The following BCL11B variants were observed in gnomAD, a reference collection of about 807,000 sequenced individuals.
BCL11B encodes the protein B-cell lymphoma/leukemia 11B.
BCL11B carries 8 observed loss-of-function variants against 49.9 expected under a neutral mutation model. The ratio of observed to expected loss-of-function variants is 0.16; its 90% CI spans 0.09 to 0.29. The LOEUF is 0.29. Among genes scored for constraint, BCL11B ranks in the 10% least tolerant of loss-of-function variants. The pLI is 1.00. For synonymous variants in BCL11B, 739 were observed against 637.4 expected (o/e 1.16, Z -2.40); for missense variants, 1,006 against 1,351.0 (o/e 0.74, Z 4.00).
At chr14:99,240,997 G>A (rs965018430) in intron 2 of BCL11B, among the ~76,000 whole-genome samples, 3 of 151,570 alleles carry the variant, frequency 2.0e-5, no homozygotes, top group Non-Finnish European at 2.9e-5. Flanking sequence ...ATCATAGCAC[G>A]CTGACTTTGA....
chr14:99,216,685 G>A (rs183136655), intron 3 of BCL11B, among the ~76,000 whole-genome samples: 1 of 152,168 alleles, frequency 6.6e-6, no homozygotes, highest in African/African-American at 2.4e-5. Flanking sequence ...AGAAAGTTCA[G>A]GGAAGAAAAA....
intron 2 of BCL11B, among the ~76,000 whole-genome samples, chr14:99,253,400 T>C (rs2139943770): frequency 6.6e-6 from 1 of 152,312 alleles, no homozygotes; most frequent in South Asian, 2.1e-4. Context: ...CAGGAGCCCA[T>C]TGCCAAGAAG....
intron 3 of BCL11B, among the ~76,000 whole-genome samples, chr14:99,190,703 C>T (rs1167929919): frequency 3.9e-5 from 6 of 152,204 alleles, no homozygotes; most frequent in African/African-American, 1.4e-4. Flanking sequence ...TTCTCAAAAG[C>T]ATCCATTCAC....
rs1888280903 is a variant in BCL11B at position 99,229,949 on chromosome 14, GC to G, written c.640+1395del. Among the ~76,000 whole-genome samples the G allele has an allele frequency of 3.3e-5, 5 of 152,316 alleles. No homozygotes were observed. The South Asian group carries it at 1.0e-3, about 32-fold the overall frequency. On this transcript the variant is annotated intron_variant, in intron 3 of 3. Transcript: ENST00000357195. ...GCCTGAGCACCTGGGGACCAGCACAGCCCAGAAAAGGGAGCCGGCGTCTTTG... is the reference window on the plus strand; with the variant it reads ...GCCTGAGCACCTGGGGACCAGCACAGCCAGAAAAGGGAGCCGGCGTCTTTG...
chr14:99,231,736 C>T lies in BCL11B; in HGVS notation c.428-179G>A, dbSNP rs1173573120. Among the ~76,000 whole-genome samples the T allele has an allele frequency of 1.5e-5, 2 of 133,744 alleles. No homozygotes were observed. Among genetic ancestry groups the T allele is most frequent in the African/African-American group, 2.8e-5 (1 of 36,044 alleles). 87.7% of individuals were successfully genotyped at this position (133,744 alleles called of 152,430 possible). On this transcript the variant is annotated intron_variant, in intron 2 of 3. Transcript: ENST00000357195. The surrounding 1 kb of genome is among the most constrained non-coding windows in gnomAD (Gnocchi z 8.1). ...CGGGACACAGGCGAGGGAATGGGCT[C>T]GGGGAGGTGGGCAGGGGGCACTGGG...
intron 3 of BCL11B, among the ~76,000 whole-genome samples, chr14:99,207,464 C>A (rs1049338967): frequency 6.6e-6 from 1 of 152,140 alleles, no homozygotes; most frequent in Admixed American, 6.5e-5. Flanking sequence ...TGGGCACTCA[C>A]CTCAGTCACT....
chr14:99,243,001 G>A (rs1297416999), intron 2 of BCL11B, among the ~76,000 whole-genome samples: 1 of 152,204 alleles, frequency 6.6e-6, no homozygotes, highest in Non-Finnish European at 1.5e-5. Flanking sequence ...GCAAGCCTGT[G>A]CATTTAAAGA....
intron 3 of BCL11B, among the ~76,000 whole-genome samples, chr14:99,216,067 T>C (rs971414664): frequency 2.0e-5 from 3 of 152,180 alleles, no homozygotes; most frequent in Admixed American, 6.5e-5. Context: ...GATAAAAAGA[T>C]AGCAGTAATG....
chr14:99,191,937 T>C (rs763288863), intron 3 of BCL11B, among the ~76,000 whole-genome samples: 6 of 152,290 alleles, frequency 3.9e-5, no homozygotes, highest in East Asian at 1.9e-4. Flanking sequence ...TCAACACTTA[T>C]GTGGGGTGAC....
Position 99,248,464 on chromosome 14 carries a change from G to A in BCL11B, c.427+9007C>T, listed in dbSNP as rs1257072177. On this transcript the variant is annotated intron_variant, in intron 2 of 3. Coordinates refer to ENST00000357195, the MANE Select transcript of BCL11B (RefSeq NM_138576.4). The surrounding 1 kb of genome is among the most constrained non-coding windows in gnomAD (Gnocchi z 4.7). ...CCAGGGTGGGTCCAGATCTTGCAGGGCCCGAGGTTTATACAATTCAGGGTA... is the reference window on the plus strand; with the variant it reads ...CCAGGGTGGGTCCAGATCTTGCAGGACCCGAGGTTTATACAATTCAGGGTA... Among the ~76,000 whole-genome samples the A allele has an allele frequency of 6.6e-6, 1 of 151,972 alleles. No individual in the cohort carries two copies. Among genetic ancestry groups the A allele is most frequent in the East Asian group, 1.9e-4 (1 of 5,150 alleles).
Position 99,229,167 on chromosome 14 carries a change from G to A in BCL11B, c.640+2178C>T, listed in dbSNP as rs190052352. ...GGATGGATGGATGGACGGACGGATA[G>A]ACGTGAGCTGTGAGAACTCAACATC... On this transcript the variant is annotated intron_variant, in intron 3 of 3. Coordinates refer to ENST00000357195, the MANE Select transcript of BCL11B (RefSeq NM_138576.4). Among the ~76,000 whole-genome samples, 16 of 152,190 alleles carry A rather than the reference G, an allele frequency of 1.1e-4. No homozygotes were observed. The East Asian group carries it at 3.1e-3, about 29-fold the overall frequency.
At chr14:99,269,343 C>CA (rs1213217221) in intron 1 of BCL11B, among the ~76,000 whole-genome samples, 1 of 152,032 alleles carries the variant, frequency 6.6e-6, no homozygotes, top group Non-Finnish European at 1.5e-5. Context: ...TGTCAACTGG[C>CA]AAAAAAGACC....
At chr14:99,204,065 C>G (rs1887463801) in intron 3 of BCL11B, among the ~76,000 whole-genome samples, 1 of 152,182 alleles carries the variant, frequency 6.6e-6, no homozygotes, top group Non-Finnish European at 1.5e-5. Context: ...AGGCTCTACC[C>G]AGTGCCTGAA....
At chr14:99,240,674 TCTTA>T (rs1236010508) in intron 2 of BCL11B, among the ~76,000 whole-genome samples, 8 of 152,334 alleles carry the variant, frequency 5.3e-5, no homozygotes, top group Admixed American at 2.0e-4. Context: ...ACAGCCACCT[TCTTA>T]CTTATTTTTT....
chr14:99,263,967 A>G (rs1889409833), intron 1 of BCL11B, among the ~76,000 whole-genome samples: 1 of 152,250 alleles, frequency 6.6e-6, no homozygotes, highest in South Asian at 2.1e-4. Context: ...AAGAAAAGGA[A>G]AAGATTTACC....
rs71110575 is a variant in BCL11B at position 99,188,537 on chromosome 14, CCTGGGGCTGGGG to C, written c.641-12354_641-12343del. Among the ~76,000 whole-genome samples, 407 of 136,176 alleles carry C rather than the reference CCTGGGGCTGGGG, an allele frequency of 3.0e-3. 2 individuals carry two copies. Among genetic ancestry groups the C allele is most frequent in the East Asian group, 0.024 (111 of 4,622 alleles). 89.3% of individuals were successfully genotyped at this position (136,176 alleles called of 152,430 possible). A position where few individuals can be genotyped will look rare whatever the true frequency, so the allele number is the denominator to read the frequency against. On this transcript the variant is annotated intron_variant, in intron 3 of 3. Transcript: ENST00000357195. ...ATACATCTCTCCAACCAATGGCTGG[CCTGGGGCTGGGG>C]CTGGGGCTGGGGCTGGGGCTGGGGC...
rs945022679 is a variant in BCL11B, at chr14:99,228,041, G to A, written c.640+3304C>T. Among the ~76,000 whole-genome samples, 3 of 152,160 alleles carry A rather than the reference G, an allele frequency of 2.0e-5. No individual in the cohort carries two copies. The highest frequency in any genetic ancestry group is 1.9e-4 in the East Asian group (1 of 5,190). ...CATACCTGTGTGGTTTTCTCCCCCCGTAAAATCACATCCTTCTATAAATAA... is the reference window on the plus strand; with the variant it reads ...CATACCTGTGTGGTTTTCTCCCCCCATAAAATCACATCCTTCTATAAATAA... On this transcript the variant is annotated intron_variant, in intron 3 of 3. Coordinates refer to ENST00000357195, the MANE Select transcript of BCL11B (RefSeq NM_138576.4). The surrounding 1 kb of genome is among the most constrained non-coding windows in gnomAD (Gnocchi z 4.8).
chr14:99,212,023 G>C (rs1252040110), intron 3 of BCL11B, among the ~76,000 whole-genome samples: 1 of 151,954 alleles, frequency 6.6e-6, no homozygotes, highest in African/African-American at 2.4e-5. Context: ...CCACACTTTG[G>C]ATCAGATTCC....
rs1173200987 is a variant in BCL11B, at chr14:99,175,034, T to C, written c.1802A>G (p.Asn601Ser). 6.3e-7 allele frequency: 1 copy of C among 1,596,544 alleles called. No homozygotes were observed. Among genetic ancestry groups the C allele is most frequent in the Admixed American group, 1.7e-5 (1 of 59,762 alleles). The change falls in exon 4 of 4, where the codon AAC (asparagine) becomes AGC (serine). Residue 601 changes from asparagine to serine, a missense_variant. This residue lies in a region of BCL11B where 443 missense variants were observed against 499.7 expected (regional missense o/e 0.89). Transcript: ENST00000357195. ...CTGCGGCAGTGCGCCTAGGCCCACG[T>C]TCTCCATGACCTTGCCCAGCACCAG... ...KALVLGKVME[N>S]VGLGALPQYG...
Sources: allele counts gnomAD v4.1 joint callset (sites outside exome capture counted in the v4.1 genomes callset), GRCh38; gene constraint gnomAD v4.1.1; regional missense constraint gnomAD v4.1.1; non-coding constraint Gnocchi (gnomAD v3.1); transcripts MANE v1.5; gene names NCBI Gene and HGNC (gene_info 2026-07-23, HGNC 2026-07-21).